Variants in WNT7A observed in about 807,000 individuals in gnomAD.
WNT7A encodes Wnt family member 7A.
Under a neutral mutation model 28.2 loss-of-function variants are expected in WNT7A, and 16 were observed. That is an observed-to-expected ratio of 0.57 (90% CI 0.38 to 0.86). The LOEUF is 0.86. Ranked by LOEUF, WNT7A falls within the 40% of genes least tolerant of loss-of-function variation. WNT7A has a pLI of 0.00. For synonymous variants in WNT7A, 190 were observed against 195.9 expected, an observed-to-expected ratio of 0.97 and a Z score of 0.25; for missense variants, 411 against 489.7, an observed-to-expected ratio of 0.84 and a Z score of 1.52.
At position 13,874,934 on chromosome 3, in the gene WNT7A, G is replaced by A. The variant is rs774630880; in HGVS notation, c.298+13C>T. On this transcript the variant is annotated intron_variant, in intron 2 of 3. Transcript: ENST00000285018. ...CGGTAAGACTCTGCGGGGGTGTTTG[G>A]GTGAGCACATACCCACTTTGAGCTC... 2 of 1,613,458 alleles carry A rather than the reference G, an allele frequency of 1.2e-6. No individual in the cohort carries two copies. The highest frequency in any genetic ancestry group is 3.3e-5 in the Admixed American group (2 of 60,002).
At chr3:13,879,440 G>C (rs189602088) in intron 1 of WNT7A, among the ~76,000 whole-genome samples, 2 of 152,308 alleles carry the variant, frequency 1.3e-5, no homozygotes, top group Non-Finnish European at 2.9e-5. Flanking sequence ...CCCGGGATGG[G>C]CTGAACCTTT....
intron 3 of WNT7A, among the ~76,000 whole-genome samples, chr3:13,826,678 C>T (rs1694201397): frequency 6.6e-6 from 1 of 152,146 alleles, no homozygotes; most frequent in African/African-American, 2.4e-5. Flanking sequence ...CAGGGCCAGG[C>T]AGACTTCAGT....
chr3:13,870,805 A>G (rs191655182), intron 2 of WNT7A, among the ~76,000 whole-genome samples: 2 of 152,284 alleles, frequency 1.3e-5, no homozygotes, highest in Admixed American at 6.5e-5. Flanking sequence ...CCGGATGCCA[A>G]CGCTACCTCT....
chr3:13,851,492 T>C (rs1337262353), intron 3 of WNT7A, among the ~76,000 whole-genome samples: 2 of 152,258 alleles, frequency 1.3e-5, no homozygotes, highest in East Asian at 3.8e-4. Context: ...GTTCCCTTCT[T>C]CTGCCTAGCA....
At chr3:13,874,889 T>G (rs1575076424) in intron 2 of WNT7A, 58 bp downstream of exon 2, 2 of 1,551,628 alleles carry the variant, frequency 1.3e-6, no homozygotes, top group Admixed American at 1.8e-5. Flanking sequence ...CACCTGAGGG[T>G]ATTCTGGTGT....
At chr3:13,862,495 G>C (rs1336778514) in intron 2 of WNT7A, among the ~76,000 whole-genome samples, 1 of 152,240 alleles carries the variant, frequency 6.6e-6, no homozygotes, top group Non-Finnish European at 1.5e-5. Context: ...AGTGACACAA[G>C]CTGAAATATA....
intron 2 of WNT7A, among the ~76,000 whole-genome samples, chr3:13,868,588 G>A (rs1028984728): frequency 0.19 from 2,630 of 13,672 alleles, 771 homozygotes; most frequent in Admixed American, 0.25. Context: ...GAGAGAGAGA[G>A]AGGGAGAAAG....
At chr3:13,825,415 T>C (rs1391653924) in intron 3 of WNT7A, among the ~76,000 whole-genome samples, 1 of 152,210 alleles carries the variant, frequency 6.6e-6, no homozygotes, top group East Asian at 1.9e-4. Context: ...AAGGGAGGAC[T>C]TGCTTCATAG....
At position 13,868,586 on chromosome 3, in the gene WNT7A, GA is replaced by G. The variant is rs1559306923; in HGVS notation, c.298+6360del. ...GGAGAGAGAGAGAGAGAGAGAGAGA[GA>G]GAGGGAGAAAGAAAGAAAGAAAGAG... On this transcript the variant is annotated intron_variant, in intron 2 of 3. Transcript: ENST00000285018. Among the ~76,000 whole-genome samples the G allele has an allele frequency of 6.4e-3, 88 of 13,650 alleles. 10 individuals carry two copies. Among genetic ancestry groups the G allele is most frequent in the Middle Eastern group, 0.031 (1 of 32 alleles). 9.0% of individuals were successfully genotyped at this position (13,650 alleles called of 152,430 possible).
At chr3:13,829,207 G>A (rs1694240991) in intron 3 of WNT7A, among the ~76,000 whole-genome samples, 1 of 152,188 alleles carries the variant, frequency 6.6e-6, no homozygotes, top group Non-Finnish European at 1.5e-5. Context: ...GGTGAAAAGA[G>A]CTGGGGCCCA....
At chr3:13,867,142 A>G (rs1559306455) in intron 2 of WNT7A, among the ~76,000 whole-genome samples, 1 of 152,122 alleles carries the variant, frequency 6.6e-6, no homozygotes, top group Non-Finnish European at 1.5e-5. Context: ...AGGCTCTTAC[A>G]TCCCGTATCA....
chr3:13,820,975 A>C (rs574510629), intron 3 of WNT7A, among the ~76,000 whole-genome samples: 1 of 152,276 alleles, frequency 6.6e-6, no homozygotes, highest in East Asian at 1.9e-4. Flanking sequence ...GGACCCCCCC[A>C]CACGCAGCCC....
intron 3 of WNT7A, among the ~76,000 whole-genome samples, chr3:13,843,359 G>A (rs1575065284): frequency 1.3e-5 from 2 of 152,180 alleles, no homozygotes; most frequent in East Asian, 1.9e-4. Context: ...CTGCACAACA[G>A]CTCTGACAAG....
chr3:13,841,637 C>G (rs909300034), intron 3 of WNT7A, among the ~76,000 whole-genome samples: 1 of 152,134 alleles, frequency 6.6e-6, no homozygotes, highest in South Asian at 2.1e-4. Context: ...TGCTGCTGGC[C>G]CACTGGAACA....
chr3:13,864,717 A>G (rs1009293182), intron 2 of WNT7A, among the ~76,000 whole-genome samples: 1 of 152,160 alleles, frequency 6.6e-6, no homozygotes, highest in Non-Finnish European at 1.5e-5. Context: ...TGAACATTTA[A>G]CTTCCATAAA....
chr3:13,879,643 C>G (rs1695176451), intron 1 of WNT7A, 103 bp downstream of exon 1: 7 of 1,315,194 alleles, frequency 5.3e-6, no homozygotes, highest in Non-Finnish European at 7.4e-6. Context: ...CTCAGAGAAG[C>G]TGTGGAAGTT....
chr3:13,876,566 G>A (rs952833264), intron 1 of WNT7A, among the ~76,000 whole-genome samples: 1 of 152,148 alleles, frequency 6.6e-6, no homozygotes, highest in Non-Finnish European at 1.5e-5. Context: ...GCTCAGCTGT[G>A]GGCAGTTTTC....
Position 13,832,145 on chromosome 3 carries a change from G to T in WNT7A, c.571-12722C>A, listed in dbSNP as rs533918060. Reference sequence around the variant, plus strand: ...TCCTCCCCCTCTTCCTCCTCCTCAGGCTCCTCCTGCTCCCCCTCCTCCTCC... The same window carrying T: ...TCCTCCCCCTCTTCCTCCTCCTCAGTCTCCTCCTGCTCCCCCTCCTCCTCC... On this transcript the variant is annotated intron_variant, in intron 3 of 3. Transcript: ENST00000285018. Among the ~76,000 whole-genome samples the T allele has an allele frequency of 2.2e-5, 3 of 133,434 alleles. No homozygotes were observed. The South Asian group carries it at 7.4e-4, about 33-fold the overall frequency. The allele number at this position is 133,434 out of a possible 152,430, so 87.5% of individuals were successfully genotyped here. A position where few individuals can be genotyped will look rare whatever the true frequency, so the allele number is the denominator to read the frequency against.
chr3:13,832,131 T>G (rs1694289861), intron 3 of WNT7A, among the ~76,000 whole-genome samples: 2 of 142,534 alleles, frequency 1.4e-5, no homozygotes, highest in Admixed American at 1.4e-4. Context: ...CCTCCCCCTC[T>G]TCCTCCTCCT....
Sources: allele counts gnomAD v4.1 joint callset (sites outside exome capture counted in the v4.1 genomes callset), GRCh38; gene constraint gnomAD v4.1.1; transcripts MANE v1.5; gene names NCBI Gene and HGNC (gene_info 2026-07-23, HGNC 2026-07-21).